FHL1: variants seen among roughly 807,000 people sequenced by gnomAD.
The protein encoded by FHL1 is four and a half LIM domains 1, also known as four and a half LIM domains protein 1.
Under a neutral mutation model 20.3 loss-of-function variants are expected in FHL1, and 1 was observed. The ratio of observed to expected loss-of-function variants is 0.05; its 90% confidence interval spans 0.02 to 0.23. The LOEUF (loss-of-function observed/expected upper bound fraction) is 0.23, where lower values mean the gene tolerates loss of function less well. Ranked by LOEUF, FHL1 falls within the 10% of genes least tolerant of loss-of-function variation. FHL1 has a pLI of 1.00. For missense variants in FHL1, 177 were observed against 234.0 expected (o/e 0.76, Z 1.59); for synonymous variants, 82 against 88.9 (o/e 0.92, Z 0.44).
intron 5 of FHL1, 125 bp from the exon 6 acceptor site, chrX:136,209,746 T>C (rs2073954741): frequency 1.2e-6 from 1 of 815,506 alleles, no homozygotes; most frequent in Non-Finnish European, 1.8e-6. Flanking sequence ...ACCTGGCTCT[T>C]GCGTGCTTGT....
Position 136,207,892 on chromosome X carries a change from A to C in FHL1, c.480A>C (p.Lys160Asn), listed in dbSNP as rs1157004659. The C allele has an allele frequency of 1.7e-6, 2 of 1,210,948 alleles. No homozygotes were observed. Among genetic ancestry groups the C allele is most frequent in the Non-Finnish European group, 1.1e-6 (1 of 895,373 alleles). The change falls in exon 4 of 6, where the codon AAA becomes AAC. Residue 160 changes from lysine to asparagine, a missense_variant. Physicochemically the swap from Lys to Asn is moderately conservative, Grantham distance 94. Transcript: ENST00000370683. The stretch of plus-strand genomic sequence containing the variant: ...TCGGGACTGGAAGCTTCTTCCCTAA[A>C]GGGGAGGACTTCTACTGCGTGACTT... Reference protein sequence around the residue: ...QVIGTGSFFPKGEDFYCVTCH... With the variant: ...QVIGTGSFFPNGEDFYCVTCH...
Position 136,210,817 on chromosome X carries a change from A to G in FHL1, c.*792A>G, listed in dbSNP as rs767817355. 7.0e-5 allele frequency: 27 copies of G among 383,807 alleles called. No homozygotes were observed. The highest frequency in any genetic ancestry group is 6.5e-4 in the Admixed American group (22 of 33,890). 31.6% of individuals were successfully genotyped at this position (383,807 alleles called of 1,213,427 possible). ...GCTGTCCTTTTTATTGTTTTTAATT[A>G]ATATTTTTGTTTTAATTGATAGCAA... On this transcript the variant is annotated 3_prime_UTR_variant, in exon 6 of 6. Coordinates refer to ENST00000370683, the MANE Select transcript of FHL1 (RefSeq NM_001159699.2).
chrX:136,209,816 T>C, intron 5 of FHL1, 55 bp from the exon 6 acceptor site: 2 of 1,165,020 alleles, frequency 1.7e-6, no homozygotes, highest in Non-Finnish European at 2.3e-6. Context: ...TCCTCACCTG[T>C]ATTCATTCAG....
In FHL1 at chrX:136,209,911, A is replaced by G. The variant is rs1445085979; in HGVS notation, c.777A>G (p.Gln259=). 1.7e-6 allele frequency: 2 copies of G among 1,210,402 alleles called. No homozygotes were observed. Among genetic ancestry groups the G allele is most frequent in the Non-Finnish European group, 2.2e-6 (2 of 895,211 alleles). Reference sequence around the variant, plus strand: ...CCAGTGTGGTGGCCTATGAAGGACAATCCTGGCACGACTACTGCTTCCACT... The same window carrying G: ...CCAGTGTGGTGGCCTATGAAGGACAGTCCTGGCACGACTACTGCTTCCACT... ...KGSSVVAYEG[Q]SWHDYCFHCK... is the part of the protein sequence containing the mutation. The change falls in exon 6 of 6, where the codon CAA becomes CAG. Residue 259 remains glutamine (Q), a synonymous_variant. Coordinates refer to ENST00000370683, the MANE Select transcript of FHL1 (RefSeq NM_001159699.2).
At chrX:136,189,979 C>T (rs1260294215) in intron 2 of FHL1, among the ~76,000 whole-genome samples, 1 of 111,967 alleles carries the variant, frequency 8.9e-6, no homozygotes, top group Non-Finnish European at 1.9e-5. Flanking sequence ...CCAGTCTAAA[C>T]CGTTTTACCT....
intron 1 of FHL1, among the ~76,000 whole-genome samples, chrX:136,201,036 C>T (rs1319194573): frequency 9.0e-6 from 1 of 110,763 alleles, no homozygotes; most frequent in African/African-American, 3.3e-5. Context: ...TGGTGGTGCA[C>T]GCATGTAATC....
chrX:136,200,115 T>A (rs1005846527), intron 1 of FHL1, among the ~76,000 whole-genome samples: 1 of 112,174 alleles, frequency 8.9e-6, no homozygotes, highest in Non-Finnish European at 1.9e-5. Flanking sequence ...GGAAGCTTGT[T>A]TATTAAGTGA....
chrX:136,165,835 G>A (rs1359056155), upstream of FHL1, among the ~76,000 whole-genome samples: 1 of 112,121 alleles, frequency 8.9e-6, no homozygotes, highest in East Asian at 2.8e-4. Flanking sequence ...CCTGGAGAGT[G>A]ATTGTATGTG....
intron 2 of FHL1, among the ~76,000 whole-genome samples, chrX:136,183,355 G>A (rs2073211551): frequency 9.0e-6 from 1 of 111,258 alleles, no homozygotes; most frequent in African/African-American, 3.3e-5. Context: ...TTTGGTCTTG[G>A]AAGAAACCAT....
intron 2 of FHL1, among the ~76,000 whole-genome samples, chrX:136,179,519 G>T (rs2073100559): frequency 8.9e-6 from 1 of 111,972 alleles, no homozygotes; most frequent in African/African-American, 3.2e-5. Context: ...GTCTTAAATT[G>T]TACTCTGCTT....
Position 136,185,494 on chromosome X carries a change from AAGTT to A in FHL1, c.-27+15519_-27+15522del, listed in dbSNP as rs2073264835. On this transcript the variant is annotated intron_variant, in intron 2 of 6. Coordinates refer to the FHL1 transcript ENST00000394153. ...ACATCAGCCCCTTTTCTGAAGTCCG[AAGTT>A]AGTTTTTTAAAATATTCACTGATAA... Among the ~76,000 whole-genome samples, 7 of 111,693 alleles carry A rather than the reference AAGTT, an allele frequency of 6.3e-5. No homozygotes were observed. The South Asian group carries it at 2.6e-3, about 42-fold the overall frequency.
intron 5 of FHL1, chrX:136,209,184 T>G: frequency 8.9e-7 from 1 of 1,128,372 alleles, no homozygotes; most frequent in Non-Finnish European, 1.2e-6. Flanking sequence ...GCCTCCAATT[T>G]TCCCATCTTC....
intron 1 of FHL1, among the ~76,000 whole-genome samples, chrX:136,148,935 G>T (rs2072187562): frequency 8.9e-6 from 1 of 112,211 alleles, no homozygotes; most frequent in African/African-American, 3.2e-5. Context: ...TTTGCTGGAA[G>T]TCCCCTTGTA....
chrX:136,199,963 AAG>A (rs2148357052), intron 1 of FHL1, among the ~76,000 whole-genome samples: 2 of 112,625 alleles, frequency 1.8e-5, no homozygotes, highest in South Asian at 7.4e-4. Flanking sequence ...AAAAAGAAAA[AAG>A]AAAAAAACAA....
In FHL1 at chrX:136,210,377, G is replaced by A. The variant is rs1284794570; in HGVS notation, c.*352G>A. Reference sequence around the variant, plus strand: ...GCATAGGAGATAAAACCCCCACTGAGATGCCTCTCATGCCTCAGCTGGGAC... The same window carrying A: ...GCATAGGAGATAAAACCCCCACTGAAATGCCTCTCATGCCTCAGCTGGGAC... On this transcript the variant is annotated 3_prime_UTR_variant, in exon 6 of 6. Transcript: ENST00000370683. 5 of 400,500 alleles carry A rather than the reference G, an allele frequency of 1.2e-5. No homozygotes were observed. The highest frequency in any genetic ancestry group is 1.2e-4 in the Admixed American group (4 of 34,580). The allele number at this position is 400,500 out of a possible 1,213,427, so 33.0% of individuals were successfully genotyped here. A position where few individuals can be genotyped will look rare whatever the true frequency, so the allele number is the denominator to read the frequency against.
intron 2 of FHL1, among the ~76,000 whole-genome samples, chrX:136,184,986 T>A (rs2073251975): frequency 8.9e-6 from 1 of 112,065 alleles, no homozygotes; most frequent in Non-Finnish European, 1.9e-5. Flanking sequence ...TTTGAGATTT[T>A]TGATTCTAAG....
chrX:136,210,146 C>T lies in FHL1; in HGVS notation c.*121C>T, dbSNP rs758987768. 5.1e-5 allele frequency: 52 copies of T among 1,016,225 alleles called. No homozygotes were observed. The highest frequency in any genetic ancestry group is 1.1e-4 in the Admixed American group (5 of 44,587). The allele number at this position is 1,016,225 out of a possible 1,213,427, so 83.7% of individuals were successfully genotyped here. A position where few individuals can be genotyped will look rare whatever the true frequency, so the allele number is the denominator to read the frequency against. On this transcript the variant is annotated 3_prime_UTR_variant, in exon 6 of 6. Transcript: ENST00000370683. ...CTTCCCTTCTTTAAAGTTCTCCTTC[C>T]GTCTTTTCTCCCATTTTACAGTATT... is the stretch of plus-strand genomic sequence containing the variant.
intron 5 of FHL1, chrX:136,209,582 C>T (rs2073950093): frequency 7.8e-6 from 5 of 638,761 alleles, no homozygotes; most frequent in Non-Finnish European, 7.0e-6. Flanking sequence ...GGCATGGGAA[C>T]GTGGGGTCTT....
At chrX:136,147,398 G>T (rs974312949), upstream of FHL1, 1 of 73,451 alleles carries the variant, frequency 1.4e-5, no homozygotes, top group Non-Finnish European at 2.7e-5. Context: ...CGCGCGCCCC[G>T]CCCCGCCCCT....
Sources: gnomAD v4.1 joint callset for allele counts (sites outside exome capture counted in the v4.1 genomes callset) on GRCh38, gnomAD v4.1.1 for gene constraint, MANE v1.5 for transcripts, NCBI Gene and HGNC (gene_info 2026-07-23, HGNC 2026-07-21) for gene names.